LRRC4C: variants seen among roughly 807,000 people sequenced by gnomAD.
The protein encoded by LRRC4C is leucine rich repeat containing 4C.
In LRRC4C, 5 loss-of-function variants were observed where a neutral mutation model predicts 33.6. That is an observed-to-expected ratio of 0.15 (90% confidence interval 0.08 to 0.31). The LOEUF (loss-of-function observed/expected upper bound fraction) is 0.31, where lower values mean the gene tolerates loss of function less well. LRRC4C is among the 10% of genes least tolerant of loss of function. The pLI is 1.00. For synonymous variants in LRRC4C, 329 were observed against 302.0 expected, an observed-to-expected ratio of 1.09 and a Z score of -0.93; for missense variants, 560 against 796.7, an observed-to-expected ratio of 0.70 and a Z score of 3.58.
At chr11:41,442,874 T>C (rs1427642398) in intron 1 of LRRC4C, among the ~76,000 whole-genome samples, 1 of 152,196 alleles carries the variant, frequency 6.6e-6, no homozygotes, top group Non-Finnish European at 1.5e-5. Flanking sequence ...TTCAAATTTC[T>C]GCCCAACAAT....
At chr11:41,050,943 T>C (rs1858160273) in intron 1 of LRRC4C, among the ~76,000 whole-genome samples, 1 of 152,172 alleles carries the variant, frequency 6.6e-6, no homozygotes, top group African/African-American at 2.4e-5. Context: ...CTACATTTCC[T>C]CTCAGACAAT....
At chr11:41,375,563 C>A (rs1952907380) in intron 1 of LRRC4C, among the ~76,000 whole-genome samples, 1 of 152,136 alleles carries the variant, frequency 6.6e-6, no homozygotes. Context: ...ATTATTTATT[C>A]ATTCAACAAA....
intron 1 of LRRC4C, among the ~76,000 whole-genome samples, chr11:41,295,409 T>G (rs942643679): frequency 2.6e-5 from 4 of 152,182 alleles, no homozygotes; most frequent in Admixed American, 6.5e-5. Flanking sequence ...CAACTCCTAT[T>G]CATGAAGACA....
At chr11:41,252,210 G>T (rs1327936083) in intron 1 of LRRC4C, among the ~76,000 whole-genome samples, 2 of 152,134 alleles carry the variant, frequency 1.3e-5, no homozygotes, top group Non-Finnish European at 2.9e-5. Flanking sequence ...TAACCTGGTA[G>T]AAAAGTGCTG....
intron 2 of LRRC4C, among the ~76,000 whole-genome samples, chr11:40,895,976 T>G (rs1416187752): frequency 4.6e-5 from 7 of 152,112 alleles, no homozygotes; most frequent in Admixed American, 2.0e-4. Context: ...GCATAAAATC[T>G]CCTGAGAAGT....
chr11:41,126,702 T>C (rs150210576), intron 1 of LRRC4C, among the ~76,000 whole-genome samples: 2 of 152,072 alleles, frequency 1.3e-5, no homozygotes, highest in East Asian at 3.9e-4. Context: ...AAAGTGCTGA[T>C]ATATTGAGGC....
rs76946672 is a variant in LRRC4C at position 40,199,511 on chromosome 11, C to T, written c.-96+42008G>A. On this transcript the variant is annotated intron_variant, in intron 5 of 6. Transcript: ENST00000528697. ...TGAGCCACTAGGTTTTGAGCTAAGA[C>T]ATGATTTCACAGACATTTATATTTG... 1.8e-3 allele frequency among the ~76,000 whole-genome samples: 272 copies of T among 152,272 alleles called. 1 individual carries two copies. The highest frequency in any genetic ancestry group is 3.4e-3 in the Non-Finnish European group (228 of 68,008).
chr11:40,966,823 C>G (rs892741392), intron 1 of LRRC4C, among the ~76,000 whole-genome samples: 1 of 151,980 alleles, frequency 6.6e-6, no homozygotes, highest in African/African-American at 2.4e-5. Context: ...TACACATGGC[C>G]TTGCCTTCAC....
chr11:40,471,457 A>G (rs1952930869), intron 3 of LRRC4C, among the ~76,000 whole-genome samples: 1 of 152,168 alleles, frequency 6.6e-6, no homozygotes, highest in Admixed American at 6.5e-5. Context: ...GGCCATTGAC[A>G]CTATGAAGAA....
chr11:40,862,876 C>T (rs1441382601), intron 2 of LRRC4C, among the ~76,000 whole-genome samples: 1 of 152,156 alleles, frequency 6.6e-6, no homozygotes, highest in Non-Finnish European at 1.5e-5. Flanking sequence ...TGCTGAGGGG[C>T]ATTTATTAAG....
chr11:40,328,297 C>T lies in LRRC4C; in HGVS notation c.-269-8576G>A, dbSNP rs140529606. Among the ~76,000 whole-genome samples, 821 of 152,248 alleles carry T rather than the reference C, an allele frequency of 5.4e-3. 5 individuals carry two copies. The highest frequency in any genetic ancestry group is 0.02 in the South Asian group (98 of 4,818). On this transcript the variant is annotated intron_variant, in intron 3 of 6. Coordinates refer to ENST00000528697, the MANE Select transcript of LRRC4C (RefSeq NM_001258419.2). ...AATTAGAAGTCTGGTGTCTAGGAAG[C>T]CTGCTAGGCTCTCCGTTTTTTATTT...
intron 3 of LRRC4C, among the ~76,000 whole-genome samples, chr11:40,336,751 C>T (rs1317904035): frequency 6.6e-6 from 1 of 151,918 alleles, no homozygotes; most frequent in Admixed American, 6.5e-5. Flanking sequence ...CCAAGATGGG[C>T]AGATAGCGAG....
intron 1 of LRRC4C, among the ~76,000 whole-genome samples, chr11:41,276,100 A>G (rs1028267618): frequency 3.3e-5 from 5 of 152,204 alleles, no homozygotes; most frequent in African/African-American, 1.2e-4. Flanking sequence ...AAACCAACAT[A>G]ACATTCTATC....
chr11:40,646,126 C>T (rs1942440344), intron 3 of LRRC4C, among the ~76,000 whole-genome samples: 1 of 151,494 alleles, frequency 6.6e-6, no homozygotes, highest in South Asian at 2.1e-4. Flanking sequence ...TTTCTGTTTC[C>T]TGAATGTAAC....
chr11:40,312,071 G>T (rs1178547086), intron 4 of LRRC4C, among the ~76,000 whole-genome samples: 3 of 151,982 alleles, frequency 2.0e-5, no homozygotes, highest in Non-Finnish European at 2.9e-5. Context: ...ATAGATGTGG[G>T]TTAAGGCCAA....
intron 3 of LRRC4C, among the ~76,000 whole-genome samples, chr11:40,565,491 C>T (rs1177144331): frequency 2.0e-5 from 3 of 152,124 alleles, no homozygotes; most frequent in South Asian, 2.1e-4. Flanking sequence ...AGCATGTTCT[C>T]ATTTAGGGGC....
At chr11:41,330,913 G>A (rs1198605256) in intron 1 of LRRC4C, among the ~76,000 whole-genome samples, 1 of 152,040 alleles carries the variant, frequency 6.6e-6, no homozygotes, top group Non-Finnish European at 1.5e-5. Flanking sequence ...ATATGTATAT[G>A]TGTCTTATAT....
chr11:40,946,247 T>C (rs1958392645), intron 1 of LRRC4C, among the ~76,000 whole-genome samples: 1 of 152,182 alleles, frequency 6.6e-6, no homozygotes, highest in African/African-American at 2.4e-5. Context: ...TGCATTCACG[T>C]GGCTGCAAAG....
At position 40,116,252 on chromosome 11, in the gene LRRC4C, A is replaced by G. The variant is rs751225355; in HGVS notation, c.41T>C (p.Ile14Thr). ...KMTLHPQQIM[I>T]GPRFNRALFD... ...TAGGGCCCTGTTAAACCTAGGACCT[A>G]TCATTATCTGCTGTGGATGTAAGGT... The change falls in exon 7 of 7, where the codon ATA (isoleucine) becomes ACA (threonine). Residue 14 changes from isoleucine (I) to threonine (T), a missense_variant. Coordinates refer to ENST00000528697, the MANE Select transcript of LRRC4C (RefSeq NM_001258419.2). 11 of 1,612,070 alleles carry G rather than the reference A, an allele frequency of 6.8e-6. No homozygotes were observed. Among genetic ancestry groups the G allele is most frequent in the Admixed American group, 1.7e-5 (1 of 59,880 alleles).
Sources: gnomAD v4.1 joint callset for allele counts (sites outside exome capture counted in the v4.1 genomes callset) on GRCh38, gnomAD v4.1.1 for gene constraint, MANE v1.5 for transcripts, NCBI Gene and HGNC (gene_info 2026-07-23, HGNC 2026-07-21) for gene names.